The following SPRY3 variants were observed in gnomAD, a reference collection of about 807,000 sequenced individuals.
SPRY3 encodes the protein protein sprouty homolog 3.
Under a neutral mutation model 20.2 loss-of-function variants are expected in SPRY3, and 15 were observed. The ratio of observed to expected loss-of-function variants is 0.74; its 90% CI spans 0.50 to 1.14. The LOEUF (loss-of-function observed/expected upper bound fraction) is 1.14. Among genes scored for constraint, SPRY3 ranks in the 50% most tolerant of loss-of-function variants. The pLI is 0.00. For synonymous variants in SPRY3, 143 were observed against 136.5 expected (o/e 1.05, Z -0.33); for missense variants, 364 against 363.9 (o/e 1.00, Z 0.00).
At chrX:155,651,554 A>G (rs1557352388) in intron 1 of SPRY3, among the ~76,000 whole-genome samples, 1 of 112,005 alleles carries the variant, frequency 8.9e-6, no homozygotes. Flanking sequence ...TTTTAAAAAT[A>G]TGTTCTAGAT....
intron 2 of SPRY3, among the ~76,000 whole-genome samples, chrX:155,699,338 C>G (rs1458425835): frequency 9.0e-6 from 1 of 111,703 alleles, no homozygotes; most frequent in Non-Finnish European, 1.9e-5. Context: ...TTGTAAGAAG[C>G]ATTGAGCTAG....
chrX:155,717,452 A>G (rs1412590595), intron 2 of SPRY3, among the ~76,000 whole-genome samples: 2 of 152,082 alleles, frequency 1.3e-5, no homozygotes, highest in East Asian at 1.9e-4. Flanking sequence ...GGTTTGTTAC[A>G]TAGGTATACA....
At chrX:155,736,307 A>G (rs761731899) in intron 2 of SPRY3, among the ~76,000 whole-genome samples, 106 of 151,986 alleles carry the variant, frequency 7.0e-4, no homozygotes, top group African/African-American at 2.5e-3. Context: ...CATGTGTCTG[A>G]CCTATATCAT....
intron 2 of SPRY3, among the ~76,000 whole-genome samples, chrX:155,704,123 A>G (rs1192916545): frequency 6.6e-6 from 1 of 151,910 alleles, no homozygotes; most frequent in African/African-American, 2.4e-5. Flanking sequence ...AGGCATGTGA[A>G]AAGGCAAAAA....
chrX:155,736,216 A>G (rs1008963408), intron 2 of SPRY3, among the ~76,000 whole-genome samples: 1 of 151,968 alleles, frequency 6.6e-6, no homozygotes, highest in African/African-American at 2.4e-5. Context: ...CTGTTAGGCC[A>G]CTGAAACATA....
chrX:155,673,044 A>C (rs1480593155), intron 2 of SPRY3, among the ~76,000 whole-genome samples: 5 of 53,958 alleles, frequency 9.3e-5, no homozygotes, highest in Non-Finnish European at 1.8e-4. Flanking sequence ...GAAGGGGAAC[A>C]TCACACTCTG....
At chrX:155,702,366 CT>C in intron 2 of SPRY3, among the ~76,000 whole-genome samples, 1 of 12,212 alleles carries the variant, frequency 8.2e-5, no homozygotes, top group African/African-American at 4.0e-4. Flanking sequence ...ATTTTATTCT[CT>C]TTGAAGCAAT....
intron 2 of SPRY3, among the ~76,000 whole-genome samples, chrX:155,710,235 C>G (rs1027225205): frequency 6.6e-6 from 1 of 151,614 alleles, no homozygotes; most frequent in Admixed American, 6.6e-5. Context: ...TGCATTGAAT[C>G]TGTAGATTGC....
chrX:155,737,194 T>G (rs1338147325), intron 2 of SPRY3, among the ~76,000 whole-genome samples: 1 of 152,134 alleles, frequency 6.6e-6, no homozygotes, highest in Non-Finnish European at 1.5e-5. Flanking sequence ...TGCATCCAAG[T>G]GTGGCTGTGA....
At chrX:155,738,286 C>T (rs1310438748) in intron 2 of SPRY3, among the ~76,000 whole-genome samples, 2 of 151,886 alleles carry the variant, frequency 1.3e-5, no homozygotes, top group Non-Finnish European at 1.5e-5. Flanking sequence ...GCTTGCAAGT[C>T]ACAACTGCAA....
intron 1 of SPRY3, among the ~76,000 whole-genome samples, chrX:155,630,123 T>A (rs782797203): frequency 1.8e-5 from 2 of 112,088 alleles, no homozygotes; most frequent in South Asian, 7.4e-4. Flanking sequence ...TTTACCCCAT[T>A]CTTCACTCCC....
intron 2 of SPRY3, among the ~76,000 whole-genome samples, chrX:155,704,116 C>T (rs1166753496): frequency 6.6e-6 from 1 of 151,720 alleles, no homozygotes; most frequent in Non-Finnish European, 1.5e-5. Flanking sequence ...TATTATGAGG[C>T]ATGTGAAAAG....
chrX:155,648,403 G>T (rs2067964793), intron 1 of SPRY3, among the ~76,000 whole-genome samples: 1 of 112,774 alleles, frequency 8.9e-6, no homozygotes, highest in Non-Finnish European at 1.9e-5. Flanking sequence ...GTATTGCCTA[G>T]GTTTTCTTCT....
At chrX:155,700,764 C>CCA (rs2068135194) in intron 2 of SPRY3, among the ~76,000 whole-genome samples, 1 of 52,246 alleles carries the variant, frequency 1.9e-5, no homozygotes, top group South Asian at 1.6e-3. Flanking sequence ...CCTCCCCCCT[C>CCA]CCCTGACCCC....
At chrX:155,743,398 G>A (rs1207295117) in intron 2 of SPRY3, among the ~76,000 whole-genome samples, 1 of 151,992 alleles carries the variant, frequency 6.6e-6, no homozygotes, top group African/African-American at 2.4e-5. Context: ...TAGACTAGAG[G>A]TATAAATGAT....
chrX:155,720,996 A>G (rs1226029701), intron 2 of SPRY3, among the ~76,000 whole-genome samples: 1 of 152,214 alleles, frequency 6.6e-6, no homozygotes, highest in Non-Finnish European at 1.5e-5. Context: ...TTTCAGACAG[A>G]TAATTCAAAA....
intron 1 of SPRY3, among the ~76,000 whole-genome samples, chrX:155,653,586 C>A (rs1486457758): frequency 2.7e-5 from 3 of 111,595 alleles, no homozygotes; most frequent in Non-Finnish European, 5.7e-5. Flanking sequence ...TTCTCAATTC[C>A]ATTTCAGTGA....
intron 2 of SPRY3, among the ~76,000 whole-genome samples, chrX:155,761,039 C>T (rs1297342272): frequency 6.6e-6 from 1 of 151,936 alleles, no homozygotes; most frequent in African/African-American, 2.4e-5. Flanking sequence ...CTTGAAAATC[C>T]ACTGGGTTAT....
chrX:155,704,665 C>G (rs1272317236), intron 2 of SPRY3, among the ~76,000 whole-genome samples: 1 of 151,486 alleles, frequency 6.6e-6, no homozygotes, highest in East Asian at 1.9e-4. Context: ...ATTGCATACC[C>G]AAGCTCAGAG....
Sources: allele counts gnomAD v4.1 joint callset (sites outside exome capture counted in the v4.1 genomes callset), GRCh38; gene constraint gnomAD v4.1.1; transcripts MANE v1.5; gene names NCBI Gene and HGNC (gene_info 2026-07-23, HGNC 2026-07-21).